Variants in DPYD observed in about 807,000 individuals in gnomAD.
DPYD encodes dihydropyrimidine dehydrogenase [NADP(+)].
In DPYD, 109 loss-of-function variants were observed where a neutral mutation model predicts 116.2. That is an observed-to-expected ratio of 0.94 (90% CI 0.80 to 1.10). The LOEUF (loss-of-function observed/expected upper bound fraction) is 1.10. DPYD is among the 50% of genes least tolerant of loss of function. DPYD has a pLI of 0.00. For missense variants in DPYD, 1,302 were observed against 1,254.5 expected (o/e 1.04, Z -0.57); for synonymous variants, 440 against 432.0 (o/e 1.02, Z -0.23).
At chr1:97,758,034 T>A (rs891139006) in intron 3 of DPYD, among the ~76,000 whole-genome samples, 1 of 152,092 alleles carries the variant, frequency 6.6e-6, no homozygotes, top group African/African-American at 2.4e-5. Context: ...CATAGACATC[T>A]CCCATCACAA....
At chr1:97,593,409 C>T in intron 9 of DPYD, 22 bp from the exon 10 acceptor site, 3 of 1,613,402 alleles carry the variant, frequency 1.9e-6, no homozygotes, top group Non-Finnish European at 2.5e-6. Flanking sequence ...AAGGAAAACC[C>T]CATTTTCAAG....
chr1:97,188,939 G>A (rs953875065), intron 20 of DPYD, among the ~76,000 whole-genome samples: 2 of 151,252 alleles, frequency 1.3e-5, no homozygotes, highest in African/African-American at 4.8e-5. Flanking sequence ...CACATAAAAA[G>A]GAACTTTAAG....
intron 18 of DPYD, among the ~76,000 whole-genome samples, chr1:97,252,978 T>C (rs1205165069): frequency 6.6e-6 from 1 of 152,184 alleles, no homozygotes; most frequent in East Asian, 1.9e-4. Flanking sequence ...GAAGCAGTTC[T>C]TAAAATTTAA....
intron 2 of DPYD, among the ~76,000 whole-genome samples, chr1:97,846,958 A>G (rs973458291): frequency 1.3e-5 from 2 of 152,226 alleles, no homozygotes; most frequent in African/African-American, 4.8e-5. Context: ...TGTGAAATTC[A>G]AAACCATAAA....
At chr1:97,879,905 G>A (rs1259146953) in intron 2 of DPYD, among the ~76,000 whole-genome samples, 1 of 151,642 alleles carries the variant, frequency 6.6e-6, no homozygotes, top group Non-Finnish European at 1.5e-5. Context: ...GAAGAAGAAG[G>A]CAGATAGTAA....
At chr1:97,346,752 A>G (rs989511981) in intron 16 of DPYD, among the ~76,000 whole-genome samples, 2 of 151,826 alleles carry the variant, frequency 1.3e-5, no homozygotes, top group Admixed American at 6.6e-5. Context: ...TCAAGCTTCC[A>G]TATCTGTCTG....
intron 13 of DPYD, among the ~76,000 whole-genome samples, chr1:97,453,260 GC>G (rs932577981): frequency 2.0e-5 from 3 of 151,988 alleles, no homozygotes; most frequent in Non-Finnish European, 4.4e-5. Flanking sequence ...TAAATAGAAT[GC>G]CCCCATTCAG....
intron 3 of DPYD, among the ~76,000 whole-genome samples, chr1:97,823,157 GTTTT>G (rs774511654): frequency 5.9e-5 from 9 of 151,560 alleles, no homozygotes; most frequent in Non-Finnish European, 1.0e-4. Context: ...TTTGTTTTTT[GTTTT>G]TTGTTTTTTT....
chr1:97,764,309 T>A (rs907820610), intron 3 of DPYD, among the ~76,000 whole-genome samples: 1 of 152,066 alleles, frequency 6.6e-6, no homozygotes, highest in Admixed American at 6.6e-5. Flanking sequence ...AAATATAGTA[T>A]AAGGTAAAAT....
intron 8 of DPYD, among the ~76,000 whole-genome samples, chr1:97,638,827 A>T (rs139606328): frequency 6.6e-6 from 1 of 152,084 alleles, no homozygotes; most frequent in African/African-American, 2.4e-5. Context: ...AACTCACTCA[A>T]TGCAAGGACA....
intron 18 of DPYD, among the ~76,000 whole-genome samples, chr1:97,241,824 G>A (rs1050640568): frequency 2.0e-5 from 3 of 151,732 alleles, no homozygotes; most frequent in Non-Finnish European, 4.4e-5. Flanking sequence ...GAAAGACTTG[G>A]CACAGTGCCT....
chr1:97,213,742 T>G (rs913331508), intron 19 of DPYD, among the ~76,000 whole-genome samples: 1 of 152,166 alleles, frequency 6.6e-6, no homozygotes, highest in East Asian at 1.9e-4. Flanking sequence ...GTCAATTGTT[T>G]GACCATAAGG....
intron 14 of DPYD, among the ~76,000 whole-genome samples, chr1:97,422,533 T>C (rs142099175): frequency 3.7e-4 from 57 of 152,224 alleles, no homozygotes; most frequent in African/African-American, 1.3e-3. Flanking sequence ...AATGTATTTT[T>C]CTGGTCTGGA....
In DPYD at chr1:97,222,773, G is replaced by T. The variant is rs944544251; in HGVS notation, c.2442+12079C>A. Among the ~76,000 whole-genome samples, 5 of 152,020 alleles carry T rather than the reference G, an allele frequency of 3.3e-5. No individual in the cohort carries two copies. The East Asian group carries it at 9.7e-4, about 29-fold the overall frequency. Reference sequence around the variant, plus strand: ...AGTTGTAAGTGAAACATTCATTAAAGCCAGGACACAAGAAATTGCATAATG... The same window carrying T: ...AGTTGTAAGTGAAACATTCATTAAATCCAGGACACAAGAAATTGCATAATG... On this transcript the variant is annotated intron_variant, in intron 19 of 22. Coordinates refer to ENST00000370192, the MANE Select transcript of DPYD (RefSeq NM_000110.4).
At chr1:97,876,388 T>C (rs938714691) in intron 2 of DPYD, among the ~76,000 whole-genome samples, 19 of 152,024 alleles carry the variant, frequency 1.2e-4, no homozygotes, top group Non-Finnish European at 2.5e-4. Context: ...AGTGAGGCAC[T>C]GAGGCACTAC....
chr1:97,414,847 C>T (rs1674204388), intron 14 of DPYD, among the ~76,000 whole-genome samples: 1 of 152,242 alleles, frequency 6.6e-6, no homozygotes, highest in South Asian at 2.1e-4. Context: ...GTTTGGCTGG[C>T]AGGGCCAGCT....
intron 3 of DPYD, among the ~76,000 whole-genome samples, chr1:97,767,399 A>C (rs1436319163): frequency 2.0e-5 from 3 of 152,112 alleles, no homozygotes; most frequent in Non-Finnish European, 4.4e-5. Flanking sequence ...TACTCTGTGA[A>C]TTTAAACTGA....
chr1:97,341,883 A>G (rs987796355), intron 16 of DPYD, among the ~76,000 whole-genome samples: 11 of 152,174 alleles, frequency 7.2e-5, no homozygotes, highest in African/African-American at 2.2e-4. Flanking sequence ...GAAATTGGCT[A>G]TAGTGAGAGA....
chr1:97,102,396 C>CAT (rs372249411), intron 20 of DPYD, among the ~76,000 whole-genome samples: 17,295 of 97,250 alleles, frequency 0.18, 1,818 homozygotes, highest in Middle Eastern at 0.23. Flanking sequence ...CACTCAGTAT[C>CAT]ATATATATAT....
Sources: gnomAD v4.1 joint callset for allele counts (sites outside exome capture counted in the v4.1 genomes callset) on GRCh38, gnomAD v4.1.1 for gene constraint, MANE v1.5 for transcripts, NCBI Gene and HGNC (gene_info 2026-07-23, HGNC 2026-07-21) for gene names.